BLK: variants seen among roughly 807,000 people sequenced by gnomAD.
BLK encodes the protein BLK proto-oncogene, Src family tyrosine kinase, also known as tyrosine-protein kinase Blk.
BLK carries 64 observed loss-of-function variants against 61.8 expected under a neutral mutation model. That is an observed-to-expected ratio of 1.03 (90% CI 0.85 to 1.27). BLK has a LOEUF of 1.27. Among genes scored for constraint, BLK ranks in the 50% most tolerant of loss-of-function variants. BLK has a pLI of 0.00. For synonymous variants in BLK, 351 were observed against 272.0 expected (o/e 1.29, Z -2.86); for missense variants, 853 against 660.5 (o/e 1.29, Z -3.19).
At chr8:11,516,330 C>G in intron 1 of BLK, among the ~76,000 whole-genome samples, 1 of 152,224 alleles carries the variant, frequency 6.6e-6, no homozygotes, top group East Asian at 1.9e-4. Flanking sequence ...TTAGACCACA[C>G]CGCACAGTGG....
chr8:11,557,375 G>C (rs1801285369), intron 9 of BLK, among the ~76,000 whole-genome samples: 1 of 152,188 alleles, frequency 6.6e-6, no homozygotes, highest in Non-Finnish European at 1.5e-5. Flanking sequence ...TGCCCATGTT[G>C]ATATAGCTCC....
At chr8:11,543,881 G>A (rs73541774) in intron 2 of BLK, among the ~76,000 whole-genome samples, 3,056 of 152,246 alleles carry the variant, frequency 0.02, 101 homozygotes, top group African/African-American at 0.07. Flanking sequence ...TTATTGCTGG[G>A]GAATGCATTT....
At chr8:11,555,238 G>T in intron 7 of BLK, 94 bp from the exon 8 acceptor site, 2 of 1,542,152 alleles carry the variant, frequency 1.3e-6, no homozygotes, top group South Asian at 1.1e-5. Context: ...GGGGTGGCTG[G>T]GGAGTGGAGG....
At chr8:11,516,114 A>G (rs1362722143) in intron 1 of BLK, among the ~76,000 whole-genome samples, 1 of 152,240 alleles carries the variant, frequency 6.6e-6, no homozygotes, top group Non-Finnish European at 1.5e-5. Context: ...ACATACTGCT[A>G]CATGGATGAA....
chr8:11,539,345 A>AC (rs1194602102), intron 1 of BLK, among the ~76,000 whole-genome samples: 2 of 152,094 alleles, frequency 1.3e-5, no homozygotes, highest in Non-Finnish European at 2.9e-5. Context: ...AAGATCCAGC[A>AC]CATTTTTTTT....
chr8:11,543,473 A>G, intron 2 of BLK, 126 bp downstream of exon 2: 1 of 1,336,406 alleles, frequency 7.5e-7, no homozygotes, highest in East Asian at 2.5e-5. Flanking sequence ...TGCAATGTAT[A>G]AGCAGGTGTG....
Position 11,510,732 on chromosome 8 carries a change from T to G in BLK, c.-2+16141T>G, listed in dbSNP as rs963179875. Among the ~76,000 whole-genome samples the G allele has an allele frequency of 2.0e-4, 30 of 152,076 alleles. 1 individual carries two copies. Among genetic ancestry groups the G allele is most frequent in the Admixed American group, 1.8e-3 (27 of 15,280 alleles). On this transcript the variant is annotated intron_variant, in intron 1 of 12. Coordinates refer to ENST00000259089, the MANE Select transcript of BLK (RefSeq NM_001715.3). Reference sequence around the variant, plus strand: ...GATAGGGAATATATTATCCCCGGGATAGCGCCACTGTACTCCAGCCAGGAT... The same window carrying G: ...GATAGGGAATATATTATCCCCGGGAGAGCGCCACTGTACTCCAGCCAGGAT...
At chr8:11,545,480 C>T (rs190987704) in intron 2 of BLK, among the ~76,000 whole-genome samples, 87 of 152,150 alleles carry the variant, frequency 5.7e-4, no homozygotes, top group South Asian at 1.0e-3. Flanking sequence ...ACTGAGGAGG[C>T]GGAGGTTGCA....
chr8:11,506,085 C>T (rs1019986707), intron 1 of BLK, among the ~76,000 whole-genome samples: 9 of 152,240 alleles, frequency 5.9e-5, no homozygotes, highest in Admixed American at 1.3e-4. Flanking sequence ...GCCAGGTGCA[C>T]GTGGCTCTTC....
At chr8:11,520,621 C>T (rs1203431649) in intron 1 of BLK, among the ~76,000 whole-genome samples, 1 of 151,704 alleles carries the variant, frequency 6.6e-6, no homozygotes, top group East Asian at 1.9e-4. Flanking sequence ...TCCTAGATAT[C>T]TTCTGCAAGC....
chr8:11,500,626 C>T (rs1798520963), intron 1 of BLK, among the ~76,000 whole-genome samples: 1 of 151,830 alleles, frequency 6.6e-6, no homozygotes, highest in Admixed American at 6.6e-5. Flanking sequence ...GGCAATCCTC[C>T]CACCTCAGCC....
chr8:11,550,075 C>G (rs1800830341), intron 5 of BLK, 84 bp from the exon 6 acceptor site: 1 of 1,192,678 alleles, frequency 8.4e-7, no homozygotes, highest in Non-Finnish European at 1.2e-6. Context: ...TTCTTGGGGA[C>G]AGGCAGTGCA....
intron 10 of BLK, chr8:11,558,789 G>T: frequency 2.2e-6 from 1 of 456,022 alleles, no homozygotes; most frequent in Non-Finnish European, 4.4e-6. Flanking sequence ...TTTGGTCTGT[G>T]GTCAGCCTGT....
At chr8:11,545,418 G>A (rs1196937339) in intron 2 of BLK, among the ~76,000 whole-genome samples, 1 of 152,060 alleles carries the variant, frequency 6.6e-6, no homozygotes, top group Non-Finnish European at 1.5e-5. Flanking sequence ...GCGTGATGGC[G>A]GGCACCTGTA....
chr8:11,506,364 A>C lies in BLK; in HGVS notation c.-2+11773A>C, dbSNP rs546103405. 3.2e-4 allele frequency among the ~76,000 whole-genome samples: 49 copies of C among 152,262 alleles called. No individual in the cohort carries two copies. In the South Asian group the frequency reaches 6.4e-3, roughly 20 times the overall value. ...ATCATTTTTTAGAAAAAAAGAAAAC[A>C]ACAGAATGTGCTGAATCCTTGTAAC... On this transcript the variant is annotated intron_variant, in intron 1 of 12. Coordinates refer to ENST00000259089, the MANE Select transcript of BLK (RefSeq NM_001715.3).
In BLK at chr8:11,554,782, G is replaced by C. The variant is rs1215929281; in HGVS notation, c.512G>C (p.Gly171Ala). 6.2e-7 allele frequency: 1 copy of C among 1,613,976 alleles called. No homozygotes were observed. Among genetic ancestry groups the C allele is most frequent in the East Asian group, 2.2e-5 (1 of 44,882 alleles). The change falls in exon 7 of 13, where the codon GGG (glycine) becomes GCG (alanine). Residue 171 changes from glycine to alanine, a missense_variant. Gly to Ala is a moderately conservative substitution (Grantham distance 60). Coordinates refer to ENST00000259089, the MANE Select transcript of BLK (RefSeq NM_001715.3). ...TCTGTGAAGGATGTCACCACCCAGG[G>C]GGAGCTGATCAAGCACTATAAGATC... ...SLSVKDVTTQ[G>A]ELIKHYKIRC...
rs144615291 is a variant in BLK, at chr8:11,550,182, G to T, written c.392G>T (p.Arg131Leu). Residue 131 changes from arginine to leucine, a missense_variant, in exon 6 of 13, where the codon CGG becomes CTG. Coordinates refer to ENST00000259089, the MANE Select transcript of BLK (RefSeq NM_001715.3). ...AGGTGGTTCTTTAGATCACAGGGTC[G>T]GAAGGAGGCTGAGAGGCAGCTTCTT... ...MERWFFRSQG[R>L]KEAERQLLAP... The T allele has an allele frequency of 6.2e-7, 1 of 1,614,148 alleles. No homozygotes were observed. Among genetic ancestry groups the T allele is most frequent in the South Asian group, 1.1e-5 (1 of 91,080 alleles).
intron 1 of BLK, among the ~76,000 whole-genome samples, chr8:11,523,011 A>G (rs1055682622): frequency 2.0e-5 from 3 of 151,700 alleles, no homozygotes; most frequent in Non-Finnish European, 4.4e-5. Context: ...AAAGTGTACC[A>G]AAATATGAAT....
intron 1 of BLK, among the ~76,000 whole-genome samples, chr8:11,496,551 A>G (rs1436031791): frequency 2.6e-5 from 4 of 152,110 alleles, no homozygotes; most frequent in Admixed American, 6.5e-5. Flanking sequence ...CCCAGCATGC[A>G]TTTTTGAGCC....
Sources: allele counts gnomAD v4.1 joint callset (sites outside exome capture counted in the v4.1 genomes callset), GRCh38; gene constraint gnomAD v4.1.1; transcripts MANE v1.5; gene names NCBI Gene and HGNC (gene_info 2026-07-23, HGNC 2026-07-21).